B4GALT4: variants seen among roughly 807,000 people sequenced by gnomAD.
B4GALT4 encodes the protein beta-1,4-galactosyltransferase 4.
B4GALT4 carries 27 observed loss-of-function variants against 37.3 expected under a neutral mutation model. The observed-to-expected ratio is 0.72, with a 90% CI of 0.53 to 1.00. The LOEUF (loss-of-function observed/expected upper bound fraction) is 1.00. B4GALT4 is among the 50% of genes least tolerant of loss of function. B4GALT4 has a pLI of 0.00. For missense variants in B4GALT4, 372 were observed against 413.1 expected (o/e 0.90, Z 0.86); for synonymous variants, 148 against 154.1 (o/e 0.96, Z 0.29).
In B4GALT4 at chr3:119,212,574, G is replaced by C; in HGVS notation, c.1010C>G (p.Thr337Arg). Residue 337 changes from threonine (T) to arginine (R), a missense_variant, in exon 8 of 8, where the codon ACA becomes AGA. Transcript: ENST00000393765. ...TCATGCACCAAACCAGAAATCCACT[G>C]TGATGTTGATATATAAAGGATTGTG... ...VEHNPLYINI[T>R]VDFWFGA 2 of 1,606,708 alleles carry C rather than the reference G, an allele frequency of 1.2e-6. No individual in the cohort carries two copies. The highest frequency in any genetic ancestry group is 1.7e-6 in the Non-Finnish European group (2 of 1,177,832).
intron 2 of B4GALT4, chr3:119,232,455 G>A (rs949993734): frequency 6.6e-6 from 1 of 152,192 alleles, no homozygotes; most frequent in African/African-American, 2.4e-5. Context: ...GGTAGCGTGG[G>A]GTCTCCGCCC....
chr3:119,230,972 TCA>T (rs2078795148), intron 2 of B4GALT4, among the ~76,000 whole-genome samples: 1 of 152,190 alleles, frequency 6.6e-6, no homozygotes, highest in Non-Finnish European at 1.5e-5. Flanking sequence ...TAACTAAGCC[TCA>T]GTTTCCTTAT....
intron 3 of B4GALT4, among the ~76,000 whole-genome samples, chr3:119,228,111 G>A (rs1485167207): frequency 6.6e-6 from 1 of 152,166 alleles, no homozygotes; most frequent in Non-Finnish European, 1.5e-5. Flanking sequence ...CTGGGCTATC[G>A]AGCTACCAGA....
intron 1 of B4GALT4, among the ~76,000 whole-genome samples, chr3:119,238,472 G>A (rs2079051034): frequency 1.3e-5 from 2 of 151,988 alleles, no homozygotes; most frequent in African/African-American, 4.8e-5. Flanking sequence ...CTGATAAAAT[G>A]ACTACATAGT....
intron 2 of B4GALT4, among the ~76,000 whole-genome samples, chr3:119,235,420 A>C (rs2078956297): frequency 6.6e-6 from 1 of 152,202 alleles, no homozygotes; most frequent in Non-Finnish European, 1.5e-5. Flanking sequence ...CAGCATTCCA[A>C]CATCTCTGAA....
At chr3:119,223,727 A>G (rs1333820163) in intron 5 of B4GALT4, among the ~76,000 whole-genome samples, 2 of 152,114 alleles carry the variant, frequency 1.3e-5, no homozygotes, top group Admixed American at 1.3e-4. Flanking sequence ...GGAATAGACA[A>G]ACAAGTTACT....
chr3:119,228,498 T>C (rs1451646087), intron 3 of B4GALT4, among the ~76,000 whole-genome samples: 2 of 152,196 alleles, frequency 1.3e-5, no homozygotes, highest in African/African-American at 4.8e-5. Context: ...AAATATACTG[T>C]GAGCATTTTA....
At chr3:119,226,249 T>C (rs2107505546) in intron 4 of B4GALT4, among the ~76,000 whole-genome samples, 1 of 152,342 alleles carries the variant, frequency 6.6e-6, no homozygotes, top group East Asian at 1.9e-4. Flanking sequence ...TATGCTGTGC[T>C]CCTACCAAAT....
intron 7 of B4GALT4, chr3:119,215,179 G>A (rs1367898065): frequency 6.6e-6 from 1 of 151,892 alleles, no homozygotes; most frequent in Non-Finnish European, 1.5e-5. Flanking sequence ...TGGACTGGGA[G>A]GGGCAGATCT....
intron 3 of B4GALT4, among the ~76,000 whole-genome samples, chr3:119,227,579 A>G (rs1353788941): frequency 6.6e-6 from 1 of 152,180 alleles, no homozygotes; most frequent in Non-Finnish European, 1.5e-5. Flanking sequence ...ACCCAGCTGT[A>G]ACAGGTATGT....
chr3:119,222,830 GAC>G (rs1187425903), intron 5 of B4GALT4, among the ~76,000 whole-genome samples: 1 of 152,206 alleles, frequency 6.6e-6, no homozygotes, highest in African/African-American at 2.4e-5. Context: ...GTTTCTTAAA[GAC>G]ACTGTGCTCT....
At chr3:119,229,051 C>T (rs1417470611) in intron 3 of B4GALT4, among the ~76,000 whole-genome samples, 1 of 152,176 alleles carries the variant, frequency 6.6e-6, no homozygotes, top group African/African-American at 2.4e-5. Context: ...CCAAAACATA[C>T]AACATATTTA....
intron 4 of B4GALT4, among the ~76,000 whole-genome samples, chr3:119,225,001 T>C (rs1211728582): frequency 6.6e-6 from 1 of 152,250 alleles, no homozygotes; most frequent in Non-Finnish European, 1.5e-5. Context: ...ACTAAGCTTC[T>C]AAGAGACTTA....
chr3:119,212,073 T>C lies in B4GALT4; in HGVS notation c.*476A>G. The C allele has an allele frequency of 1.4e-6, 1 of 692,994 alleles. No individual in the cohort carries two copies. Among genetic ancestry groups the C allele is most frequent in the Admixed American group, 2.0e-5 (1 of 49,088 alleles). 42.9% of individuals were successfully genotyped at this position (692,994 alleles called of 1,614,324 possible). On this transcript the variant is annotated 3_prime_UTR_variant, in exon 8 of 8. Transcript: ENST00000393765. Reference sequence around the variant, plus strand: ...CCTCTTTTGTGGACGCCTTCTCACCTGACACCACCACTTCACAGATGATTG... The same window carrying C: ...CCTCTTTTGTGGACGCCTTCTCACCCGACACCACCACTTCACAGATGATTG...
At chr3:119,225,247 A>G (rs1350470523) in intron 4 of B4GALT4, among the ~76,000 whole-genome samples, 4 of 152,214 alleles carry the variant, frequency 2.6e-5, no homozygotes, top group Admixed American at 1.3e-4. Context: ...AAAAAATTAA[A>G]TAATTTTTTC....
At chr3:119,238,398 AT>A (rs1181900935) in intron 1 of B4GALT4, among the ~76,000 whole-genome samples, 1 of 151,954 alleles carries the variant, frequency 6.6e-6, no homozygotes, top group East Asian at 1.9e-4. Flanking sequence ...GAAAACTTCT[AT>A]TTCTTTTGTA....
At position 119,212,540 on chromosome 3, in the gene B4GALT4, G is replaced by A. The variant is rs770427428; in HGVS notation, c.*9C>T. 2.5e-6 allele frequency: 4 copies of A among 1,572,770 alleles called. No homozygotes were observed. Among genetic ancestry groups the A allele is most frequent in the Admixed American group, 2.0e-5 (1 of 49,818 alleles). On this transcript the variant is annotated 3_prime_UTR_variant, in exon 8 of 8. Coordinates refer to ENST00000393765, the MANE Select transcript of B4GALT4 (RefSeq NM_003778.4). ...TCAGTTCTTCCAAACATCACCAAAA[G>A]ACCCAGGGTCATGCACCAAACCAGA... is the stretch of plus-strand genomic sequence containing the variant.
chr3:119,230,290 A>G, intron 2 of B4GALT4, 46 bp from the exon 3 acceptor site: 1 of 752,380 alleles, frequency 1.3e-6, no homozygotes, highest in Non-Finnish European at 2.1e-6. Flanking sequence ...TGGAAATTCT[A>G]TCCTGAAGTG....
chr3:119,215,285 GC>G (rs1559912222), intron 7 of B4GALT4: 2 of 152,210 alleles, frequency 1.3e-5, no homozygotes, highest in Non-Finnish European at 2.9e-5. Context: ...GAGTCTTCTG[GC>G]CTTCATCTTT....
Sources: allele counts gnomAD v4.1 joint callset (sites outside exome capture counted in the v4.1 genomes callset), GRCh38; gene constraint gnomAD v4.1.1; transcripts MANE v1.5; gene names NCBI Gene and HGNC (gene_info 2026-07-23, HGNC 2026-07-21).